PCDHGA6: variants seen among roughly 807,000 people sequenced by gnomAD.
The protein encoded by PCDHGA6 is protocadherin gamma-A6.
Under a neutral mutation model 60.6 loss-of-function variants are expected in PCDHGA6, and 41 were observed. The observed-to-expected ratio is 0.68, with a 90% confidence interval of 0.53 to 0.88. The LOEUF (loss-of-function observed/expected upper bound fraction) is 0.88. Ranked by LOEUF, PCDHGA6 falls within the 40% of genes least tolerant of loss-of-function variation. The pLI is 0.00. For synonymous variants in PCDHGA6, 594 were observed against 524.4 expected, an observed-to-expected ratio of 1.13 and a Z score of -1.81; for missense variants, 1,312 against 1,203.0, an observed-to-expected ratio of 1.09 and a Z score of -1.34.
intron 1 of PCDHGA6, chr5:141,478,139 G>A: frequency 6.2e-7 from 1 of 1,614,040 alleles, no homozygotes; most frequent in Non-Finnish European, 8.5e-7. Context: ...TGAAGCCCGA[G>A]CCGAGTTCCC....
At chr5:141,389,861 C>T in intron 1 of PCDHGA6, 1 of 1,614,062 alleles carries the variant, frequency 6.2e-7, no homozygotes, top group South Asian at 1.1e-5. Context: ...CCACGTTGCA[C>T]CTGGTCTTCG....
At position 141,486,257 on chromosome 5, in the gene PCDHGA6, A is replaced by C; in HGVS notation, c.2425-8550A>C. 6.2e-7 allele frequency: 1 copy of C among 1,614,032 alleles called. No individual in the cohort carries two copies. The highest frequency in any genetic ancestry group is 8.5e-7 in the Non-Finnish European group (1 of 1,179,982). On this transcript the variant is annotated intron_variant, in intron 1 of 3. Transcript: ENST00000517434. The surrounding 1 kb of genome is among the most constrained non-coding windows in gnomAD (Gnocchi z 5.0). ...CTCAGAGCTTGGAACCCTCCCCGAG[A>C]GTGCAGAACCTGGCACTGTGGTGGC... is the stretch of plus-strand genomic sequence containing the variant.
At position 141,374,916 on chromosome 5, in the gene PCDHGA6, CTT is replaced by C. The variant is rs779055803; in HGVS notation, c.834_835del (p.Tyr279PhefsTer31). ...GATGAAGGAGTCCACGGGGAAGTAA[CTT>C]ATTCCTTTGTGAAGATTACAGAAAA... On this transcript the variant is annotated frameshift_variant, in exon 1 of 4. Transcript: ENST00000517434. LOFTEE classifies it high-confidence loss of function. The C allele has an allele frequency of 1.2e-5, 20 of 1,613,924 alleles. No individual in the cohort carries two copies. The African/African-American group carries it at 2.4e-4, about 19-fold the overall frequency.
intron 1 of PCDHGA6, chr5:141,427,988 T>C (rs555561265): frequency 6.3e-7 from 1 of 1,598,504 alleles, no homozygotes; most frequent in South Asian, 1.1e-5. Context: ...TGGGGCCCGA[T>C]GGCTCCGCAC....
intron 1 of PCDHGA6, among the ~76,000 whole-genome samples, chr5:141,406,174 G>T (rs990967391): frequency 6.6e-6 from 1 of 151,264 alleles, no homozygotes; most frequent in African/African-American, 2.4e-5. Context: ...CTGGGCTTAT[G>T]CAATCCTCCC....
At chr5:141,385,023 C>T in intron 1 of PCDHGA6, 1 of 1,614,170 alleles carries the variant, frequency 6.2e-7, no homozygotes, top group East Asian at 2.2e-5. Flanking sequence ...TAGCCTTCGT[C>T]CTCGTACTGC....
chr5:141,448,515 T>C (rs1158968509), intron 1 of PCDHGA6, among the ~76,000 whole-genome samples: 1 of 152,212 alleles, frequency 6.6e-6, no homozygotes, highest in Non-Finnish European at 1.5e-5. Flanking sequence ...TTTATAACTT[T>C]ATTAAGCATC....
chr5:141,491,966 G>A lies in PCDHGA6; in HGVS notation c.2425-2841G>A. 1.1e-6 allele frequency: 1 copy of A among 943,066 alleles called. No individual in the cohort carries two copies. Among genetic ancestry groups the A allele is most frequent in the Non-Finnish European group, 1.5e-6 (1 of 669,210 alleles). The allele number at this position is 943,066 out of a possible 1,614,324, so 58.4% of individuals were successfully genotyped here. On this transcript the variant is annotated intron_variant, in intron 1 of 3. Coordinates refer to ENST00000517434, the MANE Select transcript of PCDHGA6 (RefSeq NM_018919.3). The surrounding 1 kb of genome is among the most constrained non-coding windows in gnomAD (Gnocchi z 6.9). ...CCACCCCTACACTCAAAAAAGGCCG[G>A]GGCCTCCTTCGAGCTTCCGGTGAAT...
intron 1 of PCDHGA6, among the ~76,000 whole-genome samples, chr5:141,434,567 C>T (rs1220152239): frequency 6.6e-6 from 1 of 152,206 alleles, no homozygotes; most frequent in East Asian, 1.9e-4. Flanking sequence ...TAAGGACATG[C>T]CCCTGCTGCA....
chr5:141,430,613 A>T, intron 1 of PCDHGA6: 1 of 679,628 alleles, frequency 1.5e-6, no homozygotes, highest in Admixed American at 3.0e-5. Context: ...CACAAAGCAG[A>T]TAGCTAGGAA....
At chr5:141,383,710 G>T in intron 1 of PCDHGA6, 1 of 1,613,992 alleles carries the variant, frequency 6.2e-7, no homozygotes, top group South Asian at 1.1e-5. Context: ...CGACCTGGAC[G>T]AGGGAGTCAA....
At chr5:141,392,593 C>G (rs986653235) in intron 1 of PCDHGA6, 2 of 494,194 alleles carry the variant, frequency 4.0e-6, no homozygotes, top group Non-Finnish European at 7.1e-6. Context: ...CCGCTGTTCA[C>G]CTACTGGAAG....
At chr5:141,473,623 A>T (rs186624707) in intron 1 of PCDHGA6, among the ~76,000 whole-genome samples, 8 of 152,280 alleles carry the variant, frequency 5.3e-5, no homozygotes, top group Non-Finnish European at 1.5e-5. Flanking sequence ...GAGGGAGGAA[A>T]AAGCAGCTTT....
At chr5:141,384,478 G>T (rs1350381914) in intron 1 of PCDHGA6, 1 of 1,613,986 alleles carries the variant, frequency 6.2e-7, no homozygotes, top group African/African-American at 1.3e-5. Flanking sequence ...GCAGTTGAGA[G>T]AACTACAACT....
At chr5:141,449,266 G>T (rs1398403120) in intron 1 of PCDHGA6, among the ~76,000 whole-genome samples, 1 of 152,042 alleles carries the variant, frequency 6.6e-6, no homozygotes, top group Non-Finnish European at 1.5e-5. Context: ...ACAAAGAACT[G>T]TATCTCCTTC....
Position 141,449,530 on chromosome 5 carries a change from A to G in PCDHGA6, c.2425-45277A>G, listed in dbSNP as rs2098641850. On this transcript the variant is annotated intron_variant, in intron 1 of 3. Transcript: ENST00000517434. ...CTTGAACCTGGGAGGCGGAGGTTGC[A>G]GTGAGCCGAGATCGCACCACTGCAC... Among the ~76,000 whole-genome samples, 4 of 149,684 alleles carry G rather than the reference A, an allele frequency of 2.7e-5. No individual in the cohort carries two copies. The South Asian group carries it at 8.5e-4, about 32-fold the overall frequency.
At position 141,427,408 on chromosome 5, in the gene PCDHGA6, G is replaced by C. The variant is rs975709597; in HGVS notation, c.2424+50901G>C. ...TTCAAAACACATGATAAAGATTCGA[G>C]AGAAAATGGGGAGGTTACATGCCTC... On this transcript the variant is annotated intron_variant, in intron 1 of 3. Coordinates refer to ENST00000517434, the MANE Select transcript of PCDHGA6 (RefSeq NM_018919.3). The C allele has an allele frequency of 1.3e-5, 6 of 463,300 alleles. No homozygotes were observed. In the Admixed American group the frequency reaches 1.4e-4, roughly 11 times the overall value. The allele number at this position is 463,300 out of a possible 1,614,324, so 28.7% of individuals were successfully genotyped here. A position where few individuals can be genotyped will look rare whatever the true frequency, so the allele number is the denominator to read the frequency against.
intron 1 of PCDHGA6, chr5:141,419,076 C>G: frequency 6.2e-7 from 1 of 1,613,956 alleles, no homozygotes; most frequent in Non-Finnish European, 8.5e-7. Context: ...AAGCTAGTAA[C>G]AGATGAGGCC....
chr5:141,411,184 G>A (rs1478666914), intron 1 of PCDHGA6: 1 of 152,108 alleles, frequency 6.6e-6, no homozygotes, highest in Admixed American at 6.6e-5. Context: ...AGTGGTCTTG[G>A]CATCTAAGAA....
Sources: allele counts gnomAD v4.1 joint callset (sites outside exome capture counted in the v4.1 genomes callset), GRCh38; gene constraint gnomAD v4.1.1; non-coding constraint Gnocchi (gnomAD v3.1); transcripts MANE v1.5; gene names NCBI Gene and HGNC (gene_info 2026-07-23, HGNC 2026-07-21).